PIGB: variants seen among roughly 807,000 people sequenced by gnomAD.
PIGB encodes the protein phosphatidylinositol glycan anchor biosynthesis class B, also known as GPI alpha-1,2-mannosyltransferase 3.
In PIGB, 58 loss-of-function variants were observed where a neutral mutation model predicts 68.4. The observed-to-expected ratio is 0.85, with a 90% CI of 0.69 to 1.06. PIGB has a LOEUF of 1.06. Among genes scored for constraint, PIGB ranks in the 50% least tolerant of loss-of-function variants. PIGB has a pLI of 0.00. For synonymous variants in PIGB, 219 were observed against 220.5 expected (o/e 0.99, Z 0.06); for missense variants, 634 against 655.8 (o/e 0.97, Z 0.36).
intron 5 of PIGB, 58 bp from the exon 6 acceptor site, chr15:55,333,809 T>A: frequency 7.9e-7 from 1 of 1,269,912 alleles, no homozygotes; most frequent in Non-Finnish European, 1.1e-6. Context: ...ACAGTGTAAA[T>A]GATAGATAAC....
Position 55,354,883 on chromosome 15 carries a change from G to A in PIGB, c.1423G>A (p.Val475Ile). The A allele has an allele frequency of 6.2e-7, 1 of 1,613,592 alleles. No individual in the cohort carries two copies. Among genetic ancestry groups the A allele is most frequent in the African/African-American group, 1.3e-5 (1 of 75,046 alleles). Residue 475 changes from valine to isoleucine, a missense_variant, in exon 11 of 12, where the codon GTA (valine) becomes ATA (isoleucine). Coordinates refer to ENST00000164305, the MANE Select transcript of PIGB (RefSeq NM_004855.5). ...GKSHYLDEAD[V>I]FYLNPLNWLH... ...AAGTCATTATCTTGATGAAGCAGAT[G>A]TATTTTACCTAAATCCCTTAAACTG...
chr15:55,334,009 T>A lies in PIGB; in HGVS notation c.794+2T>A. On this transcript the variant is annotated splice_donor_variant, in intron 6 of 11. Coordinates refer to ENST00000164305, the MANE Select transcript of PIGB (RefSeq NM_004855.5). LOFTEE classifies it high-confidence loss of function. ...TCTACATCATTTTTTACCTGTAGGG[T>A]AAGTGTGGCAATAATCCATCCATTT... 6.3e-7 allele frequency: 1 copy of A among 1,582,974 alleles called. No individual in the cohort carries two copies. Among genetic ancestry groups the A allele is most frequent in the Non-Finnish European group, 8.6e-7 (1 of 1,164,802 alleles).
At chr15:55,320,440 T>TG (rs2055136964) in intron 2 of PIGB, 30 bp downstream of exon 2, 1 of 1,602,142 alleles carries the variant, frequency 6.2e-7, no homozygotes, top group African/African-American at 1.3e-5. Context: ...TTCCAGACTA[T>TG]GAGTGTGTAT....
chr15:55,330,645 T>C (rs2055392933), intron 5 of PIGB, among the ~76,000 whole-genome samples: 1 of 152,178 alleles, frequency 6.6e-6, no homozygotes, highest in Non-Finnish European at 1.5e-5. Flanking sequence ...TGGATTTTAT[T>C]CTGTAGGTAA....
At chr15:55,332,393 G>A (rs2141182620) in intron 5 of PIGB, among the ~76,000 whole-genome samples, 1 of 148,930 alleles carries the variant, frequency 6.7e-6, no homozygotes, top group South Asian at 2.1e-4. Context: ...TTTTTGAGAT[G>A]GAGTTTCATT....
chr15:55,345,482 C>G (rs2055770713), intron 9 of PIGB, among the ~76,000 whole-genome samples: 1 of 152,130 alleles, frequency 6.6e-6, no homozygotes, highest in Non-Finnish European at 1.5e-5. Flanking sequence ...TCCTGGCCAG[C>G]TGCCAGTGGC....
chr15:55,355,625 A>G lies in PIGB; in HGVS notation c.*193A>G. Reference sequence around the variant, plus strand: ...CATGTTAATACAATGCCAGATTTTAAATAAAGACCTTTAGTTTTCCTCATG... The same window carrying G: ...CATGTTAATACAATGCCAGATTTTAGATAAAGACCTTTAGTTTTCCTCATG... On this transcript the variant is annotated 3_prime_UTR_variant, in exon 12 of 12. Transcript: ENST00000164305. 1 of 411,566 alleles carries G rather than the reference A, an allele frequency of 2.4e-6. No individual in the cohort carries two copies. The highest frequency in any genetic ancestry group is 4.2e-6 in the Non-Finnish European group (1 of 235,402). 25.5% of individuals were successfully genotyped at this position (411,566 alleles called of 1,614,324 possible).
At chr15:55,328,600 T>C (rs555928047) in intron 4 of PIGB, among the ~76,000 whole-genome samples, 1 of 152,332 alleles carries the variant, frequency 6.6e-6, no homozygotes, top group East Asian at 1.9e-4. Flanking sequence ...GCTTATACTT[T>C]ATGTACATTG....
intron 3 of PIGB, chr15:55,324,812 TC>T (rs748849208): frequency 5.1e-6 from 5 of 985,018 alleles, no homozygotes; most frequent in African/African-American, 3.5e-5. Context: ...AGCTTATAGC[TC>T]CCTATGCAGA....
chr15:55,331,570 G>T (rs2141180566), intron 5 of PIGB, among the ~76,000 whole-genome samples: 1 of 152,146 alleles, frequency 6.6e-6, no homozygotes, highest in South Asian at 2.1e-4. Flanking sequence ...AAAATTAGCT[G>T]GATTTGGTGG....
At chr15:55,337,381 T>C (rs1484280565) in intron 6 of PIGB, among the ~76,000 whole-genome samples, 1 of 152,216 alleles carries the variant, frequency 6.6e-6, no homozygotes, top group East Asian at 1.9e-4. Flanking sequence ...TCTTAGGAAC[T>C]GGGCTGCACA....
At chr15:55,321,871 C>T (rs1048320248) in intron 3 of PIGB, among the ~76,000 whole-genome samples, 5 of 141,962 alleles carry the variant, frequency 3.5e-5, no homozygotes, top group African/African-American at 7.6e-5. Flanking sequence ...AGGCTGGTCT[C>T]GAACTCCCGA....
At chr15:55,322,520 G>C (rs1351945689) in intron 3 of PIGB, among the ~76,000 whole-genome samples, 1 of 152,124 alleles carries the variant, frequency 6.6e-6, no homozygotes, top group Non-Finnish European at 1.5e-5. Flanking sequence ...CATCAGATGA[G>C]ACTCAGAGTT....
rs141530998 is a variant in PIGB, at chr15:55,345,492, C to T, written c.1123+3690C>T. Among the ~76,000 whole-genome samples, 317 of 152,346 alleles carry T rather than the reference C, an allele frequency of 2.1e-3. 1 individual carries two copies. The highest frequency in any genetic ancestry group is 7.3e-3 in the African/African-American group (305 of 41,576). ...ATTCTTCCTGGCCAGCTGCCAGTGG[C>T]TGACGCCTGTAATCCTAGCACTTTG... On this transcript the variant is annotated intron_variant, in intron 9 of 11. Coordinates refer to ENST00000164305, the MANE Select transcript of PIGB (RefSeq NM_004855.5).
intron 6 of PIGB, among the ~76,000 whole-genome samples, chr15:55,335,962 C>T (rs2055525433): frequency 6.6e-6 from 1 of 152,166 alleles, no homozygotes; most frequent in Admixed American, 6.6e-5. Context: ...AAGCATTTAA[C>T]CTACTTTGTA....
intron 9 of PIGB, chr15:55,343,043 A>C (rs1035232149): frequency 2.6e-4 from 40 of 152,202 alleles, no homozygotes; most frequent in African/African-American, 8.7e-4. Context: ...AAAAAAAAGA[A>C]AAACATTGAG....
At chr15:55,341,964 C>A (rs1341960189) in intron 9 of PIGB, among the ~76,000 whole-genome samples, 162 bp downstream of exon 9, 1 of 152,088 alleles carries the variant, frequency 6.6e-6, no homozygotes, top group African/African-American at 2.4e-5. Context: ...GTCCAAATAT[C>A]TTTTTTCCTA....
Position 55,320,378 on chromosome 15 carries a change from G to C in PIGB, c.267G>C (p.Gln89His). 1 of 1,613,458 alleles carries C rather than the reference G, an allele frequency of 6.2e-7. No individual in the cohort carries two copies. Among genetic ancestry groups the C allele is most frequent in the Non-Finnish European group, 8.5e-7 (1 of 1,179,570 alleles). ...QTSFVPDEYW[Q>H]SLEVSHHMVF... is the part of the protein sequence containing the mutation. Reference sequence around the variant, plus strand: ...GTTTTGTTCCAGATGAATACTGGCAGTCTCTTGAAGTTTCACATCACATGG... The same window carrying C: ...GTTTTGTTCCAGATGAATACTGGCACTCTCTTGAAGTTTCACATCACATGG... The change falls in exon 2 of 12, where the codon CAG becomes CAC. Residue 89 changes from glutamine to histidine, a missense_variant. Gln to His is a conservative substitution (Grantham distance 24). Coordinates refer to ENST00000164305, the MANE Select transcript of PIGB (RefSeq NM_004855.5).
At chr15:55,335,132 A>G (rs1166327898) in intron 6 of PIGB, among the ~76,000 whole-genome samples, 1 of 152,226 alleles carries the variant, frequency 6.6e-6, no homozygotes, top group East Asian at 1.9e-4. Flanking sequence ...AGGCTATACC[A>G]TATAGCCTAG....
Sources: gnomAD v4.1 joint callset for allele counts (sites outside exome capture counted in the v4.1 genomes callset) on GRCh38, gnomAD v4.1.1 for gene constraint, MANE v1.5 for transcripts, NCBI Gene and HGNC (gene_info 2026-07-23, HGNC 2026-07-21) for gene names.